Variants in DMXL1 observed in about 807,000 individuals in gnomAD.
DMXL1 encodes the protein Dmx like 1, also known as dmX-like protein 1.
A neutral mutation model predicts 319.2 loss-of-function variants in DMXL1; 99 were observed. The ratio of observed to expected loss-of-function variants is 0.31; its 90% CI spans 0.26 to 0.37. DMXL1 has a LOEUF of 0.37. DMXL1 is among the 10% of genes least tolerant of loss of function. DMXL1 has a pLI of 1.00. For missense variants in DMXL1, 3,745 were observed against 3,595.6 expected (o/e 1.04, Z -1.06); for synonymous variants, 1,385 against 1,235.2 (o/e 1.12, Z -2.54).
At chr5:119,183,868 A>C (rs1041427318) in intron 28 of DMXL1, among the ~76,000 whole-genome samples, 1 of 152,202 alleles carries the variant, frequency 6.6e-6, no homozygotes, top group Admixed American at 6.5e-5. Flanking sequence ...CAGGAAGGCA[A>C]ATTTTTATAC....
chr5:119,215,143 G>A (rs927130482), intron 34 of DMXL1, among the ~76,000 whole-genome samples: 1 of 152,144 alleles, frequency 6.6e-6, no homozygotes, highest in Non-Finnish European at 1.5e-5. Flanking sequence ...AGAATGTTCA[G>A]CGAATACTGA....
intron 13 of DMXL1, among the ~76,000 whole-genome samples, chr5:119,142,769 A>G (rs1767696592): frequency 6.6e-6 from 1 of 152,130 alleles, no homozygotes; most frequent in Non-Finnish European, 1.5e-5. Context: ...CACAATAGCA[A>G]AGACATAGAA....
At chr5:119,208,338 C>T (rs1782121469) in intron 34 of DMXL1, among the ~76,000 whole-genome samples, 2 of 151,756 alleles carry the variant, frequency 1.3e-5, no homozygotes, top group African/African-American at 4.8e-5. Flanking sequence ...CTCAGCCTCC[C>T]GAGTAGCTGG....
At chr5:119,159,289 G>A (rs897077437) in intron 19 of DMXL1, among the ~76,000 whole-genome samples, 8 of 152,268 alleles carry the variant, frequency 5.3e-5, no homozygotes, top group African/African-American at 1.7e-4. Context: ...TAGAGACAGA[G>A]TTTCACCATG....
intron 9 of DMXL1, chr5:119,127,986 T>C (rs907761735): frequency 1.2e-5 from 5 of 405,952 alleles, no homozygotes; most frequent in East Asian, 6.1e-5. Flanking sequence ...TAAACAACCC[T>C]GCACCCTGTT....
At position 119,171,192 on chromosome 5, in the gene DMXL1, T is replaced by A; in HGVS notation, c.6401T>A (p.Leu2134His). ...TATCAGTCACTTTTGAGAATGTTTC[T>A]TAGTTACTGCATACTTCATGGATCC... ...LKYQSLLRMF[L>H]SYCILHGSHG... The change falls in exon 24 of 44, where the codon CTT (leucine) becomes CAT (histidine). Residue 2134 changes from leucine (L) to histidine (H), a missense_variant. This residue lies in a region of DMXL1 where 1,382 missense variants were observed against 1,269.5 expected (regional missense o/e 1.09). Transcript: ENST00000539542. 1 of 1,613,992 alleles carries A rather than the reference T, an allele frequency of 6.2e-7. No individual in the cohort carries two copies. The highest frequency in any genetic ancestry group is 8.5e-7 in the Non-Finnish European group (1 of 1,179,872).
intron 34 of DMXL1, among the ~76,000 whole-genome samples, chr5:119,212,989 G>C (rs1328837641): frequency 6.6e-6 from 1 of 151,912 alleles, no homozygotes; most frequent in African/African-American, 2.4e-5. Context: ...CCAACTTTTT[G>C]TCCTATTCTG....
chr5:119,151,434 T>TA (rs1769772128), intron 18 of DMXL1, among the ~76,000 whole-genome samples: 1 of 152,198 alleles, frequency 6.6e-6, no homozygotes, highest in South Asian at 2.1e-4. Flanking sequence ...TTGACACTTT[T>TA]AGAGATATTA....
chr5:119,235,121 A>G (rs1205951484), intron 39 of DMXL1, among the ~76,000 whole-genome samples: 1 of 152,176 alleles, frequency 6.6e-6, no homozygotes, highest in Non-Finnish European at 1.5e-5. Flanking sequence ...TGGAAGAGAT[A>G]ACTCACACTG....
Position 119,150,141 on chromosome 5 carries a change from A to C in DMXL1, c.4314A>C (p.Leu1438Phe). The C allele has an allele frequency of 3.1e-6, 5 of 1,613,840 alleles. No individual in the cohort carries two copies. Among genetic ancestry groups the C allele is most frequent in the Non-Finnish European group, 4.2e-6 (5 of 1,179,862 alleles). Reference protein sequence around the residue: ...NESTLSKSNQLSKESYDELFQ... With the variant: ...NESTLSKSNQFSKESYDELFQ... ...GTACGTTAAGTAAATCAAACCAATTATCTAAAGAAAGTTATGATGAGCTTT... is the reference window on the plus strand; with the variant it reads ...GTACGTTAAGTAAATCAAACCAATTCTCTAAAGAAAGTTATGATGAGCTTT... The change falls in exon 18 of 44, where the codon TTA becomes TTC. Residue 1438 changes from leucine to phenylalanine, a missense_variant. This residue lies in a region of DMXL1 where 2,096 missense variants were observed against 1,985.4 expected (regional missense o/e 1.06). Transcript: ENST00000539542.
intron 38 of DMXL1, among the ~76,000 whole-genome samples, chr5:119,229,033 G>A (rs1243651361): frequency 6.6e-6 from 1 of 151,066 alleles, no homozygotes; most frequent in East Asian, 1.9e-4. Context: ...ACAAAATCTC[G>A]GCTGGGCGCG....
At chr5:119,246,881 C>T in intron 43 of DMXL1, 114 bp from the exon 44 acceptor site, 1 of 698,744 alleles carries the variant, frequency 1.4e-6, no homozygotes, top group Non-Finnish European at 2.4e-6. Context: ...GGTCTGCCTG[C>T]CTTGACCTCC....
intron 32 of DMXL1, among the ~76,000 whole-genome samples, chr5:119,200,805 A>G (rs944808879): frequency 6.6e-6 from 1 of 152,038 alleles, no homozygotes; most frequent in Admixed American, 6.5e-5. Flanking sequence ...CTGTATTCCT[A>G]GGTATTTTAT....
chr5:119,169,393 C>G (rs1280021674), intron 23 of DMXL1, among the ~76,000 whole-genome samples: 1 of 152,028 alleles, frequency 6.6e-6, no homozygotes, highest in Non-Finnish European at 1.5e-5. Context: ...TTACATAGGA[C>G]TGGATTTGAT....
At chr5:119,083,111 G>C (rs1468878300) in intron 1 of DMXL1, among the ~76,000 whole-genome samples, 1 of 151,812 alleles carries the variant, frequency 6.6e-6, no homozygotes, top group African/African-American at 2.4e-5. Context: ...CCCAGGTTCA[G>C]GCGATTGTTG....
chr5:119,109,239 G>C (rs1423689266), intron 4 of DMXL1, among the ~76,000 whole-genome samples: 1 of 152,154 alleles, frequency 6.6e-6, no homozygotes, highest in African/African-American at 2.4e-5. Flanking sequence ...TTGTATACTA[G>C]AGTCTTTGAA....
intron 5 of DMXL1, among the ~76,000 whole-genome samples, chr5:119,113,387 G>A (rs1760102840): frequency 6.6e-6 from 1 of 152,066 alleles, no homozygotes; most frequent in African/African-American, 2.4e-5. Flanking sequence ...GATTACGGGG[G>A]CATGCCACCA....
At position 119,129,368 on chromosome 5, in the gene DMXL1, A is replaced by G. The variant is rs372354946; in HGVS notation, c.1260A>G (p.Pro420=). Residue 420 remains proline (P), a synonymous_variant, in exon 10 of 44, where the codon CCA becomes CCG. Coordinates refer to ENST00000539542, the MANE Select transcript of DMXL1 (RefSeq NM_001290321.3). ...LQQLRKSFEQ[P]SSEASVEDSN... ...AACTTAGAAAAAGTTTTGAACAACC[A>G]TCTTCTGAGGCCAGTGTAGAAGATT... 50 of 1,613,880 alleles carry G rather than the reference A, an allele frequency of 3.1e-5. No individual in the cohort carries two copies. In the African/African-American group the frequency reaches 5.1e-4, roughly 16 times the overall value.
chr5:119,084,157 G>T (rs146858747), intron 1 of DMXL1, among the ~76,000 whole-genome samples: 44 of 150,812 alleles, frequency 2.9e-4, no homozygotes, highest in Non-Finnish European at 5.9e-5. Flanking sequence ...GTCTTGTGCT[G>T]TTGCCCAGGC....
Sources: gnomAD v4.1 joint callset for allele counts (sites outside exome capture counted in the v4.1 genomes callset) on GRCh38, gnomAD v4.1.1 for gene constraint, gnomAD v4.1.1 regional missense constraint, MANE v1.5 for transcripts, NCBI Gene and HGNC (gene_info 2026-07-23, HGNC 2026-07-21) for gene names.